RASAL2: variants seen among roughly 807,000 people sequenced by gnomAD.
The protein encoded by RASAL2 is RAS protein activator like 2.
Under a neutral mutation model 128.9 loss-of-function variants are expected in RASAL2, and 58 were observed. The observed-to-expected ratio is 0.45, with a 90% CI of 0.36 to 0.56. The LOEUF is 0.56. Among genes scored for constraint, RASAL2 ranks in the 20% least tolerant of loss-of-function variants. The pLI is 0.00. For synonymous variants in RASAL2, 561 were observed against 580.8 expected (o/e 0.97, Z 0.49); for missense variants, 1,360 against 1,601.6 (o/e 0.85, Z 2.57).
At chr1:178,240,094 G>C (rs1467819882) in intron 1 of RASAL2, among the ~76,000 whole-genome samples, 1 of 151,856 alleles carries the variant, frequency 6.6e-6, no homozygotes, top group African/African-American at 2.4e-5. Context: ...TTTTTGCCCT[G>C]TGATGTAACA....
chr1:178,269,198 G>A lies in RASAL2; in HGVS notation c.203-14366G>A, dbSNP rs115858118. Among the ~76,000 whole-genome samples, 1,227 of 152,324 alleles carry A rather than the reference G, an allele frequency of 8.1e-3. 19 individuals carry two copies. Among genetic ancestry groups the A allele is most frequent in the African/African-American group, 0.028 (1,161 of 41,564 alleles). On this transcript the variant is annotated intron_variant, in intron 1 of 17. Coordinates refer to ENST00000367649, the MANE Select transcript of RASAL2 (RefSeq NM_170692.4). ...CATGTGAGGACACAGTGAGAAGGTG[G>A]CCATCTGTAAGCCAAGAAAGAGCCC...
intron 1 of RASAL2, among the ~76,000 whole-genome samples, chr1:178,259,514 A>T (rs1353613151): frequency 1.3e-5 from 2 of 152,214 alleles, no homozygotes; most frequent in East Asian, 3.8e-4. Context: ...ATTATGTGCT[A>T]TGTTAGTTGT....
intron 3 of RASAL2, among the ~76,000 whole-genome samples, chr1:178,351,600 G>A (rs1199668431): frequency 6.6e-6 from 1 of 152,086 alleles, no homozygotes; most frequent in Non-Finnish European, 1.5e-5. Flanking sequence ...GTGTGGTGGC[G>A]CGGCTGTAGT....
At chr1:178,197,080 G>A (rs757206339) in intron 1 of RASAL2, among the ~76,000 whole-genome samples, 1 of 152,180 alleles carries the variant, frequency 6.6e-6, no homozygotes, top group African/African-American at 2.4e-5. Flanking sequence ...TTGGGAGGCC[G>A]AGGTGGACAG....
chr1:178,190,803 C>T (rs1662469921), intron 1 of RASAL2, among the ~76,000 whole-genome samples: 1 of 151,088 alleles, frequency 6.6e-6, no homozygotes, highest in African/African-American at 2.4e-5. Flanking sequence ...CATTTTAGAG[C>T]ATAGGTTTTT....
intron 1 of RASAL2, 140 bp downstream of exon 1, chr1:178,094,834 C>A: frequency 9.5e-7 from 1 of 1,049,058 alleles, no homozygotes; most frequent in Non-Finnish European, 1.4e-6. Flanking sequence ...TCTGGGGGTG[C>A]ATTTCTGACA....
In RASAL2 at chr1:178,454,560, C is replaced by A. The variant is rs1378403261; in HGVS notation, c.2123C>A (p.Thr708Asn). The part of the protein sequence containing the change: ...EISNPDTISN[T>N]PGFDGYIDLG... ...TCTAATCCAGACACCATCTCAAACA[C>A]CCCAGGCTTTGATGGTTACATTGAT... is the stretch of plus-strand genomic sequence containing the variant. The change falls in exon 12 of 18, where the codon ACC becomes AAC. Residue 708 changes from threonine to asparagine, a missense_variant. This residue lies in a region of RASAL2 where 741 missense variants were observed against 868.6 expected (regional missense o/e 0.85). Transcript: ENST00000367649. 1 of 1,613,778 alleles carries A rather than the reference C, an allele frequency of 6.2e-7. No individual in the cohort carries two copies. Among genetic ancestry groups the A allele is most frequent in the Admixed American group, 1.7e-5 (1 of 59,992 alleles).
intron 2 of RASAL2, among the ~76,000 whole-genome samples, chr1:178,296,532 A>G (rs779137138): frequency 2.7e-5 from 4 of 148,318 alleles, no homozygotes; most frequent in African/African-American, 7.5e-5. Context: ...GCTGATTTTT[A>G]TTTTTTATTT....
chr1:178,337,255 C>G (rs1669632498), intron 3 of RASAL2, among the ~76,000 whole-genome samples: 1 of 152,202 alleles, frequency 6.6e-6, no homozygotes, highest in African/African-American at 2.4e-5. Context: ...AACAAGTCTT[C>G]TGATCTTCAT....
intron 3 of RASAL2, among the ~76,000 whole-genome samples, chr1:178,306,056 C>T (rs959028785): frequency 2.0e-5 from 3 of 152,210 alleles, no homozygotes; most frequent in African/African-American, 7.2e-5. Context: ...CAGCAGTTTA[C>T]AGTTACCAAG....
Position 178,476,409 on chromosome 1 carries a change from G to A in RASAL2, c.*3170G>A, listed in dbSNP as rs1204960349. On this transcript the variant is annotated 3_prime_UTR_variant, in exon 18 of 18. Coordinates refer to ENST00000367649, the MANE Select transcript of RASAL2 (RefSeq NM_170692.4). ...TCTCTGCAGCAAAAGCCATGTCAGA[G>A]GGGAGATTATAACTAGGTAACTATA... is the stretch of plus-strand genomic sequence containing the variant. The A allele has an allele frequency of 6.6e-6, 1 of 152,200 alleles. No individual in the cohort carries two copies. The highest frequency in any genetic ancestry group is 2.4e-5 in the African/African-American group (1 of 41,440). 9.4% of individuals were successfully genotyped at this position (152,200 alleles called of 1,614,324 possible).
chr1:178,443,658 G>A (rs2102851782), intron 8 of RASAL2, among the ~76,000 whole-genome samples: 1 of 152,278 alleles, frequency 6.6e-6, no homozygotes, highest in Middle Eastern at 3.4e-3. Context: ...GAAGCATATT[G>A]AGTATTAGCA....
chr1:178,417,183 G>A (rs1433406181), intron 4 of RASAL2, among the ~76,000 whole-genome samples: 2 of 151,730 alleles, frequency 1.3e-5, no homozygotes, highest in Non-Finnish European at 2.9e-5. Flanking sequence ...ATTCTTTTCT[G>A]GGTTATTTTT....
chr1:178,111,144 C>T (rs1659304987), intron 1 of RASAL2, among the ~76,000 whole-genome samples: 1 of 152,094 alleles, frequency 6.6e-6, no homozygotes, highest in Non-Finnish European at 1.5e-5. Flanking sequence ...AGTATCCCAT[C>T]GATATTCTAC....
intron 1 of RASAL2, among the ~76,000 whole-genome samples, chr1:178,202,756 C>A (rs969564247): frequency 6.6e-6 from 1 of 152,142 alleles, no homozygotes; most frequent in Non-Finnish European, 1.5e-5. Flanking sequence ...CAAAGGGTGA[C>A]CTTGGCAGAG....
chr1:178,435,567 A>C lies in RASAL2; in HGVS notation c.675-3855A>C, dbSNP rs887280508. 1.2e-4 allele frequency among the ~76,000 whole-genome samples: 19 copies of C among 152,250 alleles called. No individual in the cohort carries two copies. In the East Asian group the frequency reaches 3.5e-3, roughly 28 times the overall value. On this transcript the variant is annotated intron_variant, in intron 5 of 17. Transcript: ENST00000367649. ...GTAGTTTATTTCTTAAATAAGTCAG[A>C]AGCAGCAGGTAATTTTCATCAGCAA...
chr1:178,439,364 A>G (rs1402330477), intron 5 of RASAL2, 58 bp from the exon 6 acceptor site: 1 of 1,447,148 alleles, frequency 6.9e-7, no homozygotes, highest in Non-Finnish European at 9.5e-7. Context: ...ATTGCATTAG[A>G]CCTTCATTTC....
intron 11 of RASAL2, among the ~76,000 whole-genome samples, chr1:178,453,767 A>G (rs1677563284): frequency 6.6e-6 from 1 of 152,162 alleles, no homozygotes; most frequent in Admixed American, 6.6e-5. Context: ...CTCAGTATTG[A>G]TGCTTAAAGA....
At chr1:178,418,486 G>C (rs1674919912) in intron 4 of RASAL2, among the ~76,000 whole-genome samples, 1 of 152,038 alleles carries the variant, frequency 6.6e-6, no homozygotes, top group Non-Finnish European at 1.5e-5. Flanking sequence ...AACAGCCTAG[G>C]GTATTATGTC....
Sources: gnomAD v4.1 joint callset for allele counts (sites outside exome capture counted in the v4.1 genomes callset) on GRCh38, gnomAD v4.1.1 for gene constraint, gnomAD v4.1.1 regional missense constraint, MANE v1.5 for transcripts, NCBI Gene and HGNC (gene_info 2026-07-23, HGNC 2026-07-21) for gene names.